PCDHA4: variants seen among roughly 807,000 people sequenced by gnomAD.
PCDHA4 encodes the protein protocadherin alpha-4.
Under a neutral mutation model 61.4 loss-of-function variants are expected in PCDHA4, and 49 were observed. The ratio of observed to expected loss-of-function variants is 0.80; its 90% CI spans 0.63 to 1.01. The LOEUF (loss-of-function observed/expected upper bound fraction) is 1.01. Among genes scored for constraint, PCDHA4 ranks in the 50% least tolerant of loss-of-function variants. The probability of loss-of-function intolerance (pLI) is 0.00; values close to 1 mark genes in which losing one functional copy is unlikely to be tolerated. For missense variants in PCDHA4, 1,254 were observed against 1,235.8 expected, an observed-to-expected ratio of 1.01 and a Z score of -0.22; for synonymous variants, 590 against 550.3, an observed-to-expected ratio of 1.07 and a Z score of -1.01.
intron 1 of PCDHA4, among the ~76,000 whole-genome samples, chr5:140,904,227 C>G (rs1373458999): frequency 2.6e-5 from 4 of 151,978 alleles, no homozygotes; most frequent in Middle Eastern, 3.2e-3. Context: ...TTGTATTATA[C>G]TTATGCCTTT....
chr5:140,936,867 T>TA (rs1471990778), intron 1 of PCDHA4, among the ~76,000 whole-genome samples: 5 of 152,214 alleles, frequency 3.3e-5, no homozygotes, highest in Admixed American at 2.6e-4. Context: ...GTTTCTATTT[T>TA]AAAAAACCCT....
At chr5:140,861,404 G>A in intron 1 of PCDHA4, 2 of 468,962 alleles carry the variant, frequency 4.3e-6, no homozygotes, top group East Asian at 5.7e-5. Flanking sequence ...AGCTTGTGGA[G>A]CTGATACCGC....
At chr5:140,821,816 T>A in intron 1 of PCDHA4, 1 of 1,613,984 alleles carries the variant, frequency 6.2e-7, no homozygotes, top group Non-Finnish European at 8.5e-7. Context: ...TCCCGGCTCC[T>A]GCTGCTCTGG....
chr5:140,825,224 C>T (rs2150138653), intron 1 of PCDHA4: 2 of 151,236 alleles, frequency 1.3e-5, no homozygotes, highest in South Asian at 4.2e-4. Context: ...ATTTGTTTTT[C>T]TTTTATCTGG....
chr5:140,941,874 A>C (rs1554214738), intron 1 of PCDHA4, among the ~76,000 whole-genome samples: 1 of 152,222 alleles, frequency 6.6e-6, no homozygotes, highest in African/African-American at 2.4e-5. Context: ...GAGTTCTATC[A>C]CCAGTGACTA....
chr5:140,829,386 C>A, intron 1 of PCDHA4: 1 of 1,614,034 alleles, frequency 6.2e-7, no homozygotes, highest in Non-Finnish European at 8.5e-7. Flanking sequence ...GACGGGGGCT[C>A]GCCTTCGCTG....
chr5:140,989,128 G>A (rs2097330831), intron 3 of PCDHA4: 1 of 152,178 alleles, frequency 6.6e-6, no homozygotes, highest in Non-Finnish European at 1.5e-5. Flanking sequence ...AGAAAAATAA[G>A]ACACTTTATC....
At chr5:140,978,703 G>A (rs556167285) in intron 1 of PCDHA4, among the ~76,000 whole-genome samples, 9 of 152,210 alleles carry the variant, frequency 5.9e-5, no homozygotes, top group Non-Finnish European at 1.3e-4. Flanking sequence ...AGCCAAAGGT[G>A]GCCTTTACAA....
intron 1 of PCDHA4, chr5:140,856,337 C>A (rs782782390): frequency 1.3e-6 from 2 of 1,598,382 alleles, no homozygotes; most frequent in Non-Finnish European, 1.7e-6. Flanking sequence ...GCTGTGCGGG[C>A]GGAGCGTGGA....
At chr5:140,826,481 T>C (rs1342710477) in intron 1 of PCDHA4, among the ~76,000 whole-genome samples, 1 of 152,200 alleles carries the variant, frequency 6.6e-6, no homozygotes, top group Non-Finnish European at 1.5e-5. Context: ...TTTTACTGTA[T>C]ATCAGAATTT....
At chr5:140,861,631 C>A (rs960525062) in intron 1 of PCDHA4, 2 of 314,942 alleles carry the variant, frequency 6.4e-6, no homozygotes, top group Non-Finnish European at 1.3e-5. Context: ...GTGTTCTCAG[C>A]AACACAAAAG....
chr5:140,834,695 C>A (rs2150224453), intron 1 of PCDHA4: 1 of 1,614,120 alleles, frequency 6.2e-7, no homozygotes, highest in Non-Finnish European at 8.5e-7. Context: ...AGTGCAGCAT[C>A]CACCTGGAGG....
chr5:140,999,056 C>T (rs1256829495), intron 3 of PCDHA4, among the ~76,000 whole-genome samples: 4 of 152,212 alleles, frequency 2.6e-5, no homozygotes, highest in Non-Finnish European at 5.9e-5. Context: ...TCCACCATGC[C>T]TAAGTAGTCT....
At chr5:140,957,851 T>TG (rs2095389296) in intron 1 of PCDHA4, among the ~76,000 whole-genome samples, 1 of 136,014 alleles carries the variant, frequency 7.4e-6, no homozygotes. Flanking sequence ...AGAGTTTGTG[T>TG]ATTTTTTTTC....
At chr5:141,005,470 G>A (rs1563690887) in intron 3 of PCDHA4, among the ~76,000 whole-genome samples, 1 of 151,836 alleles carries the variant, frequency 6.6e-6, no homozygotes, top group South Asian at 2.1e-4. Context: ...TTGGGAGGCC[G>A]AGACGGGCGG....
intron 1 of PCDHA4, among the ~76,000 whole-genome samples, chr5:140,914,843 A>G (rs1269507537): frequency 6.6e-6 from 1 of 152,142 alleles, no homozygotes; most frequent in Non-Finnish European, 1.5e-5. Context: ...CAAACACACA[A>G]AAGGAAGACT....
chr5:140,877,607 T>C (rs782533203), intron 1 of PCDHA4: 5 of 1,613,712 alleles, frequency 3.1e-6, no homozygotes. Flanking sequence ...AGCCTGCTGG[T>C]GCTCACGCTG....
At chr5:140,902,615 G>A in intron 1 of PCDHA4, among the ~76,000 whole-genome samples, 1 of 152,010 alleles carries the variant, frequency 6.6e-6, no homozygotes, top group East Asian at 1.9e-4. Context: ...AGTTACATGG[G>A]TAAGTTATTT....
In PCDHA4 at chr5:140,857,042, C is replaced by T. The variant is rs147770909; in HGVS notation, c.2385+47470C>T. The T allele has an allele frequency of 1.1e-5, 18 of 1,595,436 alleles. 1 individual carries two copies. In the African/African-American group the frequency reaches 1.2e-4, roughly 11 times the overall value. ...TAAGGGAAACCCACCTATGGTTGGTCACTGCACGGTCCTAGTGGAACTACT... is the reference window on the plus strand; with the variant it reads ...TAAGGGAAACCCACCTATGGTTGGTTACTGCACGGTCCTAGTGGAACTACT... On this transcript the variant is annotated intron_variant, in intron 1 of 3. Coordinates refer to ENST00000530339, the MANE Select transcript of PCDHA4 (RefSeq NM_018907.4).
Sources: gnomAD v4.1 joint callset for allele counts (sites outside exome capture counted in the v4.1 genomes callset) on GRCh38, gnomAD v4.1.1 for gene constraint, MANE v1.5 for transcripts, NCBI Gene and HGNC (gene_info 2026-07-23, HGNC 2026-07-21) for gene names.